Variants in FBXO25 observed in about 807,000 individuals in gnomAD.
FBXO25 encodes the protein F-box only protein 25.
A neutral mutation model predicts 51.9 loss-of-function variants in FBXO25; 45 were observed. The observed-to-expected ratio is 0.87, with a 90% CI of 0.68 to 1.11. The LOEUF is 1.11. Among genes scored for constraint, FBXO25 ranks in the 50% most tolerant of loss-of-function variants. The probability of loss-of-function intolerance (pLI) is 0.00; values close to 1 mark genes in which losing one functional copy is unlikely to be tolerated. For missense variants in FBXO25, 507 were observed against 428.5 expected (o/e 1.18, Z -1.62); for synonymous variants, 199 against 151.0 (o/e 1.32, Z -2.33).
intron 8 of FBXO25, among the ~76,000 whole-genome samples, chr8:460,372 T>C (rs965512454): frequency 6.6e-6 from 1 of 152,202 alleles, no homozygotes; most frequent in African/African-American, 2.4e-5. Flanking sequence ...TTTGTACACA[T>C]TTTCTTAACT....
chr8:432,000 A>G (rs559358088), intron 3 of FBXO25, among the ~76,000 whole-genome samples: 6 of 152,300 alleles, frequency 3.9e-5, no homozygotes, highest in Admixed American at 6.5e-5. Flanking sequence ...TATGGATACT[A>G]TGGTTTTTTT....
chr8:459,327 CT>C (rs1799656572), intron 8 of FBXO25, among the ~76,000 whole-genome samples: 1 of 152,214 alleles, frequency 6.6e-6, no homozygotes, highest in Non-Finnish European at 1.5e-5. Context: ...ATAGCCTACC[CT>C]TGGAATGCAG....
In FBXO25 at chr8:407,505, C is replaced by CGG. The variant is rs1419521549; in HGVS notation, c.-8+439_-8+440insGG. The CGG allele has an allele frequency of 4.4e-6, 4 of 918,494 alleles. No homozygotes were observed. The African/African-American group carries it at 7.3e-5, about 17-fold the overall frequency. 56.9% of individuals were successfully genotyped at this position (918,494 alleles called of 1,614,324 possible). On this transcript the variant is annotated intron_variant, in intron 1 of 9. Coordinates refer to ENST00000350302, the MANE Select transcript of FBXO25 (RefSeq NM_183420.2). The stretch of plus-strand genomic sequence containing the variant: ...GGCACGGGGGCCGCCCACAGGTGCA[C>CGG]CGCGCGTCCTCAGCCGCTTCCCCTG...
chr8:434,956 G>A lies in FBXO25; in HGVS notation c.289-659G>A, dbSNP rs183008708. 3.7e-4 allele frequency among the ~76,000 whole-genome samples: 57 copies of A among 152,180 alleles called. No homozygotes were observed. In the East Asian group the frequency reaches 5.0e-3, roughly 13 times the overall value. On this transcript the variant is annotated intron_variant, in intron 4 of 9. Coordinates refer to ENST00000350302, the MANE Select transcript of FBXO25 (RefSeq NM_183420.2). ...TTGGTGTTTTGGGTTCTTGGCATCCGTGCTCCCAGCCTGAAAGCTGCCCGT... is the reference window on the plus strand; with the variant it reads ...TTGGTGTTTTGGGTTCTTGGCATCCATGCTCCCAGCCTGAAAGCTGCCCGT...
intron 2 of FBXO25, among the ~76,000 whole-genome samples, chr8:424,224 TG>T (rs1797334892): frequency 6.6e-6 from 1 of 152,062 alleles, no homozygotes; most frequent in South Asian, 2.1e-4. Context: ...TGGGGTTGTT[TG>T]TTTTTTTGCA....
chr8:440,954 A>G (rs201479004), intron 5 of FBXO25, among the ~76,000 whole-genome samples: 18,479 of 145,612 alleles, frequency 0.13, 1,262 homozygotes, highest in African/African-American at 0.18. Flanking sequence ...TCCATGGTGT[A>G]TATGTGCCAC....
intron 4 of FBXO25, among the ~76,000 whole-genome samples, chr8:433,564 GT>G (rs1372998010): frequency 6.6e-6 from 1 of 152,158 alleles, no homozygotes; most frequent in African/African-American, 2.4e-5. Context: ...CTTTTGCCAA[GT>G]TGGGCTAAAG....
intron 2 of FBXO25, among the ~76,000 whole-genome samples, chr8:417,278 T>A (rs1186785670): frequency 2.0e-5 from 3 of 152,192 alleles, no homozygotes; most frequent in Non-Finnish European, 2.9e-5. Context: ...GGCCTATGCT[T>A]TAACAGGATT....
At chr8:444,661 C>T (rs368272760) in intron 5 of FBXO25, among the ~76,000 whole-genome samples, 4 of 152,088 alleles carry the variant, frequency 2.6e-5, no homozygotes, top group Admixed American at 6.5e-5. Context: ...TGAGGAGATA[C>T]GCAGTCATGC....
At chr8:408,530 T>C (rs1484120359) in intron 1 of FBXO25, among the ~76,000 whole-genome samples, 1 of 152,210 alleles carries the variant, frequency 6.6e-6, no homozygotes, top group African/African-American at 2.4e-5. Context: ...AAGAATAATG[T>C]TTTCTACCTT....
chr8:464,470 C>CCTGCCTCTTGCAAGAGTGGGCTGTCT (rs1800021975), intron 9 of FBXO25, among the ~76,000 whole-genome samples: 1 of 152,168 alleles, frequency 6.6e-6, no homozygotes, highest in East Asian at 1.9e-4. Context: ...TAGATGAGGC[C>CCTGCCTCTTGCAAGAGTGGGCTGTCT]CTGCCTCTTG....
At chr8:468,655 C>T (rs1171400474) in intron 9 of FBXO25, 60 bp from the exon 10 acceptor site, 4 of 1,344,444 alleles carry the variant, frequency 3.0e-6, no homozygotes, top group East Asian at 2.3e-5. Flanking sequence ...CCTCAAGCAC[C>T]ATCACTAGAG....
chr8:411,274 A>G (rs1796470682), intron 1 of FBXO25, among the ~76,000 whole-genome samples: 1 of 152,186 alleles, frequency 6.6e-6, no homozygotes, highest in African/African-American at 2.4e-5. Flanking sequence ...TGGCATTTTT[A>G]TAACATTTTC....
intron 1 of FBXO25, among the ~76,000 whole-genome samples, chr8:409,886 T>C (rs1375969351): frequency 1.3e-5 from 2 of 152,206 alleles, no homozygotes; most frequent in Non-Finnish European, 2.9e-5. Flanking sequence ...CCTTTGATAT[T>C]CTTCTATGAC....
chr8:423,176 A>G (rs1797258849), intron 2 of FBXO25, among the ~76,000 whole-genome samples: 1 of 150,944 alleles, frequency 6.6e-6, no homozygotes, highest in Admixed American at 6.6e-5. Flanking sequence ...GTCTTCCTGG[A>G]CTTCCCTCAT....
intron 3 of FBXO25, among the ~76,000 whole-genome samples, chr8:432,412 C>A (rs1156543872): frequency 1.3e-5 from 2 of 151,888 alleles, no homozygotes; most frequent in South Asian, 2.1e-4. Context: ...GTAATTGAAA[C>A]TGTAGAAGGT....
rs1800558842 is a variant in FBXO25, at chr8:473,770, G to A, written c.*4966G>A. 6.6e-6 allele frequency: 1 copy of A among 152,002 alleles called. No individual in the cohort carries two copies. The highest frequency in any genetic ancestry group is 2.1e-4 in the South Asian group (1 of 4,826). 9.4% of individuals were successfully genotyped at this position (152,002 alleles called of 1,614,324 possible). On this transcript the variant is annotated 3_prime_UTR_variant, in exon 10 of 10. Coordinates refer to ENST00000350302, the MANE Select transcript of FBXO25 (RefSeq NM_183420.2). ...AAGTAAGGGAGAGCAAAAAAAATGA[G>A]GACATCTGTGTCAAATAGAAGAGAC...
chr8:419,997 G>C (rs1797052779), intron 2 of FBXO25, among the ~76,000 whole-genome samples: 1 of 152,158 alleles, frequency 6.6e-6, no homozygotes, highest in South Asian at 2.1e-4. Flanking sequence ...ATGGATTGCA[G>C]AGAAGCCCAT....
intron 2 of FBXO25, among the ~76,000 whole-genome samples, chr8:421,147 C>T (rs769817888): frequency 6.6e-6 from 1 of 152,214 alleles, no homozygotes; most frequent in African/African-American, 2.4e-5. Flanking sequence ...GCATTAGATT[C>T]TCATAGGAGC....
Sources: gnomAD v4.1 joint callset for allele counts (sites outside exome capture counted in the v4.1 genomes callset) on GRCh38, gnomAD v4.1.1 for gene constraint, MANE v1.5 for transcripts, NCBI Gene and HGNC (gene_info 2026-07-23, HGNC 2026-07-21) for gene names.